NEGR1: variants seen among roughly 807,000 people sequenced by gnomAD.
NEGR1 encodes the protein IgLON family member 4.
Under a neutral mutation model 40.9 loss-of-function variants are expected in NEGR1, and 10 were observed. The observed-to-expected ratio is 0.24, with a 90% CI of 0.15 to 0.42. NEGR1 has a LOEUF of 0.42. Among genes scored for constraint, NEGR1 ranks in the 10% least tolerant of loss-of-function variants. The pLI is 1.00. For synonymous variants in NEGR1, 185 were observed against 166.8 expected (o/e 1.11, Z -0.84); for missense variants, 352 against 438.9 (o/e 0.80, Z 1.77).
chr1:72,178,627 C>T (rs996531471), intron 1 of NEGR1, among the ~76,000 whole-genome samples: 2 of 151,768 alleles, frequency 1.3e-5, no homozygotes, highest in Non-Finnish European at 2.9e-5. Flanking sequence ...ACATGACTAA[C>T]TAACTTACAT....
At chr1:71,610,567 A>G (rs1650219625) in intron 5 of NEGR1, among the ~76,000 whole-genome samples, 1 of 152,206 alleles carries the variant, frequency 6.6e-6, no homozygotes, top group Non-Finnish European at 1.5e-5. Flanking sequence ...TATCTAAAAC[A>G]TAGTGTTCTG....
chr1:71,926,578 G>C (rs1269193381), intron 2 of NEGR1, among the ~76,000 whole-genome samples: 1 of 149,356 alleles, frequency 6.7e-6, no homozygotes, highest in Non-Finnish European at 1.5e-5. Flanking sequence ...AACTCACAAA[G>C]TTCCTTCTAT....
At chr1:72,050,341 T>A (rs1226402340) in intron 1 of NEGR1, among the ~76,000 whole-genome samples, 1 of 151,478 alleles carries the variant, frequency 6.6e-6, no homozygotes, top group Non-Finnish European at 1.5e-5. Flanking sequence ...TATTTTTAAA[T>A]CACAAATTGG....
Position 71,750,449 on chromosome 1 carries a change from G to A in NEGR1, c.535+25723C>T, listed in dbSNP as rs144293973. On this transcript the variant is annotated intron_variant, in intron 3 of 6. Transcript: ENST00000357731. Reference sequence around the variant, plus strand: ...TCATCCTGCTGGTAAAGACATACCCGAGACATATAAAGAAAAGAGGTTTAA... The same window carrying A: ...TCATCCTGCTGGTAAAGACATACCCAAGACATATAAAGAAAAGAGGTTTAA... 6.9e-3 allele frequency among the ~76,000 whole-genome samples: 1,053 copies of A among 151,970 alleles called. 12 individuals carry two copies. Among genetic ancestry groups the A allele is most frequent in the African/African-American group, 0.023 (968 of 41,334 alleles).
intron 2 of NEGR1, among the ~76,000 whole-genome samples, chr1:71,904,708 A>G (rs531425681): frequency 1.3e-5 from 2 of 152,152 alleles, no homozygotes; most frequent in Non-Finnish European, 2.9e-5. Context: ...AAGAATGGTC[A>G]CATTTATTAG....
At chr1:71,505,436 T>C (rs1647025756) in intron 6 of NEGR1, among the ~76,000 whole-genome samples, 1 of 152,088 alleles carries the variant, frequency 6.6e-6, no homozygotes. Context: ...TGTCCGCCAC[T>C]GCGCCAGACT....
At chr1:72,060,916 G>C (rs12076328) in intron 1 of NEGR1, among the ~76,000 whole-genome samples, 2,054 of 151,560 alleles carry the variant, frequency 0.014, 44 homozygotes, top group African/African-American at 0.047. Flanking sequence ...CAACAGAGCA[G>C]GTGCAAGTTA....
intron 6 of NEGR1, chr1:71,487,987 G>A (rs1253787411): frequency 6.6e-6 from 1 of 151,642 alleles, no homozygotes; most frequent in Non-Finnish European, 1.5e-5. Flanking sequence ...TTCTTGTGCT[G>A]TAGAGGCTGG....
intron 6 of NEGR1, among the ~76,000 whole-genome samples, chr1:71,474,280 A>ACT (rs1454182414): frequency 8.6e-6 from 1 of 116,034 alleles, no homozygotes; most frequent in Non-Finnish European, 1.7e-5. Context: ...AAAACAGGAA[A>ACT]ATGTGTGTGT....
chr1:71,779,837 G>A (rs1656638681), intron 2 of NEGR1, among the ~76,000 whole-genome samples: 1 of 151,966 alleles, frequency 6.6e-6, no homozygotes, highest in Admixed American at 6.6e-5. Context: ...CCAAAGTGCT[G>A]GGTTTACAGG....
intron 6 of NEGR1, among the ~76,000 whole-genome samples, chr1:71,566,484 T>C (rs1648623269): frequency 6.6e-6 from 1 of 152,168 alleles, no homozygotes; most frequent in African/African-American, 2.4e-5. Context: ...GTGCATCTTC[T>C]CATTTATTCA....
rs143463595 is a variant in NEGR1, at chr1:71,763,678, G to A, written c.535+12494C>T. Among the ~76,000 whole-genome samples the A allele has an allele frequency of 4.4e-3, 669 of 152,144 alleles. 5 individuals carry two copies. Among genetic ancestry groups the A allele is most frequent in the African/African-American group, 0.015 (633 of 41,498 alleles). ...TGTTGGCTAAAATTGATTGGTGTGA[G>A]CTTTATGTTAATAGGGTGTAGCCAT... On this transcript the variant is annotated intron_variant, in intron 3 of 6. Transcript: ENST00000357731.
intron 2 of NEGR1, among the ~76,000 whole-genome samples, chr1:71,920,176 C>T (rs1012035332): frequency 6.6e-6 from 1 of 152,156 alleles, no homozygotes; most frequent in Non-Finnish European, 1.5e-5. Flanking sequence ...TTTGTCAGTA[C>T]TACTTCTAAA....
At chr1:72,079,886 C>G (rs958718781) in intron 1 of NEGR1, among the ~76,000 whole-genome samples, 1 of 151,952 alleles carries the variant, frequency 6.6e-6, no homozygotes, top group Non-Finnish European at 1.5e-5. Flanking sequence ...ATTTGGAGAT[C>G]ACTGAACCAG....
chr1:71,423,698 TA>T (rs1646411463), intron 6 of NEGR1, among the ~76,000 whole-genome samples: 1 of 152,148 alleles, frequency 6.6e-6, no homozygotes, highest in African/African-American at 2.4e-5. Context: ...CAGGGTGGGA[TA>T]GCAATCACAT....
chr1:71,425,952 CTTCTT>C (rs1403727362), intron 6 of NEGR1, among the ~76,000 whole-genome samples: 1 of 152,152 alleles, frequency 6.6e-6, no homozygotes, highest in Non-Finnish European at 1.5e-5. Context: ...AGCACAACCT[CTTCTT>C]TTCCCAGCAA....
intron 3 of NEGR1, among the ~76,000 whole-genome samples, chr1:71,701,097 C>T (rs545968220): frequency 2.7e-4 from 41 of 152,024 alleles, no homozygotes; most frequent in African/African-American, 9.2e-4. Flanking sequence ...TCTGATGAGA[C>T]CAGTGCTGAG....
intron 6 of NEGR1, among the ~76,000 whole-genome samples, chr1:71,450,607 G>C (rs974451919): frequency 6.6e-6 from 1 of 151,816 alleles, no homozygotes; most frequent in Middle Eastern, 3.4e-3. Flanking sequence ...AGGAGTTTGA[G>C]ACTAACCTGG....
chr1:72,053,539 T>C (rs1161977661), intron 1 of NEGR1, among the ~76,000 whole-genome samples: 1 of 151,196 alleles, frequency 6.6e-6, no homozygotes, highest in African/African-American at 2.4e-5. Context: ...TTTATTTTTT[T>C]CACATCACGT....
Sources: allele counts gnomAD v4.1 joint callset (sites outside exome capture counted in the v4.1 genomes callset), GRCh38; gene constraint gnomAD v4.1.1; transcripts MANE v1.5; gene names NCBI Gene and HGNC (gene_info 2026-07-23, HGNC 2026-07-21).